The following XIRP1 variants were observed in gnomAD, a reference collection of about 807,000 sequenced individuals.
The protein encoded by XIRP1 is xin actin binding repeat containing 1.
For missense variants in XIRP1, 2,378 were observed against 2,345.4 expected, an observed-to-expected ratio of 1.01 and a Z score of -0.29; for synonymous variants, 984 against 947.0, an observed-to-expected ratio of 1.04 and a Z score of -0.72.
intron 1 of XIRP1, among the ~76,000 whole-genome samples, chr3:39,190,393 G>A (rs1288295698): frequency 1.3e-5 from 2 of 152,084 alleles, no homozygotes; most frequent in Admixed American, 6.5e-5. Flanking sequence ...CAGGTGTAAA[G>A]CTTTCTTATT....
rs769326975 is a variant in XIRP1 at position 39,188,187 on chromosome 3, G to A, written c.1259C>T (p.Ser420Leu). Reference sequence around the variant, plus strand: ...GGCACTCTGAGAGAAGGGCAGTGCTGAGGAGCTGTCACTGGATAGATGCCC... The same window carrying A: ...GGCACTCTGAGAGAAGGGCAGTGCTAAGGAGCTGTCACTGGATAGATGCCC... ...GEGHLSSDSSSALPFSQSAPQ... is the reference protein window; with the variant it reads ...GEGHLSSDSSLALPFSQSAPQ... Residue 420 changes from serine (S) to leucine (L), a missense_variant, in exon 2 of 2, where the codon TCA (serine) becomes TTA (leucine). Physicochemically the swap from Ser to Leu is moderately radical, Grantham distance 145. Coordinates refer to ENST00000340369, the MANE Select transcript of XIRP1 (RefSeq NM_194293.4). 1 of 1,614,188 alleles carries A rather than the reference G, an allele frequency of 6.2e-7. No homozygotes were observed. Among genetic ancestry groups the A allele is most frequent in the Non-Finnish European group, 8.5e-7 (1 of 1,180,044 alleles).
chr3:39,183,737 T>G lies in XIRP1; in HGVS notation c.*177A>C. 2 of 1,110,910 alleles carry G rather than the reference T, an allele frequency of 1.8e-6. No homozygotes were observed. Among genetic ancestry groups the G allele is most frequent in the Non-Finnish European group, 2.5e-6 (2 of 808,880 alleles). 68.8% of individuals were successfully genotyped at this position (1,110,910 alleles called of 1,614,324 possible). On this transcript the variant is annotated 3_prime_UTR_variant, in exon 2 of 2. Coordinates refer to ENST00000340369, the MANE Select transcript of XIRP1 (RefSeq NM_194293.4). ...CCTCTTCCAGACCTTTCTTTTTCCATTTGGAAGAACTGGGCCTATTGAAAG... is the reference window on the plus strand; with the variant it reads ...CCTCTTCCAGACCTTTCTTTTTCCAGTTGGAAGAACTGGGCCTATTGAAAG...
Position 39,183,985 on chromosome 3 carries a change from A to C in XIRP1, c.5461T>G (p.Phe1821Val). 1 of 1,612,572 alleles carries C rather than the reference A, an allele frequency of 6.2e-7. No homozygotes were observed. Among genetic ancestry groups the C allele is most frequent in the Non-Finnish European group, 8.5e-7 (1 of 1,179,922 alleles). Reference sequence around the variant, plus strand: ...TCAGCTTCTGTCAGGTCACTGCTGAACCCAGCTGGGCTGTGCAGGAACTGC... The same window carrying C: ...TCAGCTTCTGTCAGGTCACTGCTGACCCCAGCTGGGCTGTGCAGGAACTGC... ...LRQFLHSPAG[F>V]SSDLTEAETV... The change falls in exon 2 of 2, where the codon TTC becomes GTC. Residue 1821 changes from phenylalanine (F) to valine (V), a missense_variant. Transcript: ENST00000340369.
In XIRP1 at chr3:39,187,189, C is replaced by T. The variant is rs543901842; in HGVS notation, c.2257G>A (p.Glu753Lys). The T allele has an allele frequency of 1.9e-6, 3 of 1,598,830 alleles. No individual in the cohort carries two copies. The highest frequency in any genetic ancestry group is 1.7e-6 in the Non-Finnish European group (2 of 1,168,804). The change falls in exon 2 of 2, where the codon GAG becomes AAG. Residue 753 changes from glutamate (E) to lysine (K), a missense_variant. Physicochemically the swap from Glu to Lys is moderately conservative, Grantham distance 56. Coordinates refer to ENST00000340369, the MANE Select transcript of XIRP1 (RefSeq NM_194293.4). ...TTGCCTGAGGGGCTCATGGGCTGCT[C>T]TTCCAGGAGGTTGCCCCCTTGGATG... ...ESIQGGNLLE[E>K]QPMSPSGNRM...
chr3:39,187,965 T>C lies in XIRP1; in HGVS notation c.1481A>G (p.His494Arg). The C allele has an allele frequency of 6.2e-7, 1 of 1,614,206 alleles. No individual in the cohort carries two copies. Among genetic ancestry groups the C allele is most frequent in the South Asian group, 1.1e-5 (1 of 91,090 alleles). ...CTCTCTGCTAACAGAGGTCAGGGCATGGAGGCGGCCCTTGCTGTCCTGCAT... is the reference window on the plus strand; with the variant it reads ...CTCTCTGCTAACAGAGGTCAGGGCACGGAGGCGGCCCTTGCTGTCCTGCAT... The part of the protein sequence containing the change: ...YAMQDSKGRL[H>R]ALTSVSREQI... The change falls in exon 2 of 2, where the codon CAT becomes CGT. Residue 494 changes from histidine (H) to arginine (R), a missense_variant. By Grantham distance (29) the His-to-Arg change is conservative. Transcript: ENST00000340369.
rs1015891249 is a variant in XIRP1, at chr3:39,183,988, C to T, written c.5458G>A (p.Gly1820Arg). 28 of 1,612,652 alleles carry T rather than the reference C, an allele frequency of 1.7e-5. No homozygotes were observed. The highest frequency in any genetic ancestry group is 2.4e-5 in the Non-Finnish European group (28 of 1,179,956). The change falls in exon 2 of 2, where the codon GGG (glycine) becomes AGG (arginine). Residue 1820 changes from glycine to arginine, a missense_variant. Gly to Arg is a moderately radical substitution (Grantham distance 125). Transcript: ENST00000340369. ...GCTTCTGTCAGGTCACTGCTGAACC[C>T]AGCTGGGCTGTGCAGGAACTGCCTC... The part of the protein sequence containing the change: ...LLRQFLHSPA[G>R]FSSDLTEAET...
In XIRP1 at chr3:39,188,716, G is replaced by T. The variant is rs915822303; in HGVS notation, c.730C>A (p.Gln244Lys). 3.1e-6 allele frequency: 5 copies of T among 1,613,552 alleles called. No individual in the cohort carries two copies. The Admixed American group carries it at 5.0e-5, about 16-fold the overall frequency. Residue 244 changes from glutamine to lysine, a missense_variant, in exon 2 of 2, where the codon CAG becomes AAG. Physicochemically the swap from Gln to Lys is moderately conservative, Grantham distance 53. Transcript: ENST00000340369. ...LFQTEPLCAI[Q>K]DAEGAIHEVK... ...TCATGGATGGCGCCCTCTGCATCCT[G>T]GATGGCACACAGGGGCTCCGTTTGG...
rs377554974 is a variant in XIRP1 at position 39,187,662 on chromosome 3, C to T, written c.1784G>A (p.Arg595Gln). 182 of 1,614,100 alleles carry T rather than the reference C, an allele frequency of 1.1e-4. No homozygotes were observed. The Middle Eastern group carries it at 1.3e-3, about 12-fold the overall frequency. ...CATTGGGCAAGTCTCGAACAACCAC[C>T]GGATGGTCTGCACATCGCCCTTTGG... ...APPKGDVQTI[R>Q]WLFETCPMSE... The change falls in exon 2 of 2, where the codon CGG becomes CAG. Residue 595 changes from arginine (R) to glutamine (Q), a missense_variant. By Grantham distance (43) the Arg-to-Gln change is conservative. Coordinates refer to ENST00000340369, the MANE Select transcript of XIRP1 (RefSeq NM_194293.4).
chr3:39,188,016 TG>T lies in XIRP1; in HGVS notation c.1429del (p.Gln477ArgfsTer3). Reference protein sequence around the residue: ...EEGTDSAGQAQGIGSPVYAMQ... With the variant: ...EEGTDSAGQAXGIGSPVYAMQ... ...GGCATACACTGGGGACCCTATGCCC[TG>T]GGCCTGCCCAGCAGAATCAGTTCCT... is the stretch of plus-strand genomic sequence containing the variant. On this transcript the variant is annotated frameshift_variant, in exon 2 of 2. Coordinates refer to ENST00000340369, the MANE Select transcript of XIRP1 (RefSeq NM_194293.4). LOFTEE classifies it low-confidence loss of function (END_TRUNC). 1 of 1,614,224 alleles carries T rather than the reference TG, an allele frequency of 6.2e-7. No homozygotes were observed. Among genetic ancestry groups the T allele is most frequent in the Non-Finnish European group, 8.5e-7 (1 of 1,180,028 alleles).
intron 1 of XIRP1, among the ~76,000 whole-genome samples, chr3:39,190,567 C>T (rs893671123): frequency 1.3e-4 from 20 of 152,028 alleles, no homozygotes; most frequent in African/African-American, 4.4e-4. Flanking sequence ...TTCAGGGGCT[C>T]GGACTCAGGG....
intron 1 of XIRP1, 135 bp from the exon 2 acceptor site, chr3:39,189,660 T>C (rs2040060543): frequency 3.0e-6 from 2 of 662,268 alleles, no homozygotes; most frequent in Non-Finnish European, 4.9e-6. Flanking sequence ...GGGCAACAGG[T>C]CTTGAACTTA....
Position 39,187,242 on chromosome 3 carries a change from C to A in XIRP1, c.2204G>T (p.Cys735Phe), listed in dbSNP as rs749371719. 1 of 1,583,388 alleles carries A rather than the reference C, an allele frequency of 6.3e-7. No individual in the cohort carries two copies. The highest frequency in any genetic ancestry group is 8.6e-7 in the Non-Finnish European group (1 of 1,162,202). The change falls in exon 2 of 2, where the codon TGT (cysteine) becomes TTT (phenylalanine). Residue 735 changes from cysteine (C) to phenylalanine (F), a missense_variant. Physicochemically the swap from Cys to Phe is radical, Grantham distance 205. Transcript: ENST00000340369. ...VHKFTWLFEN[C>F]PMGSLAAESI... ...CTCAGCTGCCAGGGAGCCCATGGGA[C>A]AATTCTCAAAAAGCCAAGTGAACTT...
Position 39,189,511 on chromosome 3 carries a change from G to A in XIRP1, c.-66C>T, listed in dbSNP as rs1054063368. ...AGCCTTAGATCTAGATGTTCAGCAGGGTAGAGGCTGGATGCTGGGAGAAAT... is the reference window on the plus strand; with the variant it reads ...AGCCTTAGATCTAGATGTTCAGCAGAGTAGAGGCTGGATGCTGGGAGAAAT... On this transcript the variant is annotated 5_prime_UTR_variant, in exon 2 of 2. Coordinates refer to ENST00000340369, the MANE Select transcript of XIRP1 (RefSeq NM_194293.4). The A allele has an allele frequency of 2.0e-6, 3 of 1,520,562 alleles. No individual in the cohort carries two copies. Among genetic ancestry groups the A allele is most frequent in the African/African-American group, 2.8e-5 (2 of 71,828 alleles). 94.2% of individuals were successfully genotyped at this position (1,520,562 alleles called of 1,614,324 possible).
Position 39,183,686 on chromosome 3 carries a change from C to G in XIRP1, c.*228G>C, listed in dbSNP as rs990992299. 3.0e-6 allele frequency: 2 copies of G among 672,286 alleles called. No homozygotes were observed. Among genetic ancestry groups the G allele is most frequent in the African/African-American group, 3.7e-5 (2 of 54,746 alleles). The allele number at this position is 672,286 out of a possible 1,614,324, so 41.6% of individuals were successfully genotyped here. On this transcript the variant is annotated 3_prime_UTR_variant, in exon 2 of 2. Coordinates refer to ENST00000340369, the MANE Select transcript of XIRP1 (RefSeq NM_194293.4). ...CAAGCAGCTGGGAGCCCCCATCCTACCCCCACGCCTGTGCAACTCTGTGGG... is the reference window on the plus strand; with the variant it reads ...CAAGCAGCTGGGAGCCCCCATCCTAGCCCCACGCCTGTGCAACTCTGTGGG...
intron 1 of XIRP1, among the ~76,000 whole-genome samples, chr3:39,189,972 A>G (rs867398253): frequency 1.1e-4 from 16 of 152,194 alleles, no homozygotes; most frequent in Admixed American, 7.2e-4. Flanking sequence ...ATTCCTTTGC[A>G]GAACACCAGA....
rs2040098360 is a variant in XIRP1 at position 39,192,437 on chromosome 3, G to A, written c.-81+9C>T. ...TTGCTGTGGAAGGATGGAGAGGTAG[G>A]TTACTCACCAAGGGTCTCTCTTGGC... On this transcript the variant is annotated intron_variant, in intron 1 of 1. Transcript: ENST00000340369. 2.0e-5 allele frequency: 3 copies of A among 152,336 alleles called. No individual in the cohort carries two copies. Among genetic ancestry groups the A allele is most frequent in the South Asian group, 4.1e-4 (2 of 4,836 alleles). 9.4% of individuals were successfully genotyped at this position (152,336 alleles called of 1,614,324 possible). A position where few individuals can be genotyped will look rare whatever the true frequency, so the allele number is the denominator to read the frequency against.
In XIRP1 at chr3:39,186,588, C is replaced by G. The variant is rs540906316; in HGVS notation, c.2858G>C (p.Ser953Thr). 22 of 1,610,608 alleles carry G rather than the reference C, an allele frequency of 1.4e-5. No individual in the cohort carries two copies. In the South Asian group the frequency reaches 2.3e-4, roughly 17 times the overall value. The change falls in exon 2 of 2, where the codon AGT (serine) becomes ACT (threonine). Residue 953 changes from serine (S) to threonine (T), a missense_variant. Transcript: ENST00000340369. ...GGCCCCCTCGCTGGCTGGCACTGGA[C>G]TCGGGTCAGCCGGGGGCTCCCACCG... ...SLRWEPPADPSPVPASEGAQS... is the reference protein window; with the variant it reads ...SLRWEPPADPTPVPASEGAQS...
Position 39,188,056 on chromosome 3 carries a change from G to A in XIRP1, c.1390C>T (p.Pro464Ser). The change falls in exon 2 of 2, where the codon CCA (proline) becomes TCA (serine). Residue 464 changes from proline (P) to serine (S), a missense_variant. By Grantham distance (74) the Pro-to-Ser change is moderately conservative. Coordinates refer to ENST00000340369, the MANE Select transcript of XIRP1 (RefSeq NM_194293.4). ...GQGEVLAHGS[P>S]SREEGTDSAG... ...GAATCAGTTCCTTCTTCTCTGCTTGGACTCCCATGGGCCAGAACCTCACCC... is the reference window on the plus strand; with the variant it reads ...GAATCAGTTCCTTCTTCTCTGCTTGAACTCCCATGGGCCAGAACCTCACCC... 1.2e-6 allele frequency: 2 copies of A among 1,614,188 alleles called. No homozygotes were observed. The highest frequency in any genetic ancestry group is 1.7e-6 in the Non-Finnish European group (2 of 1,180,028).
At position 39,186,837 on chromosome 3, in the gene XIRP1, T is replaced by C. The variant is rs1321955294; in HGVS notation, c.2609A>G (p.Asn870Ser). ...GAGCTCAGGGTCCATGTCTTCAATATTCCCACTGCTGCCTGGAGTTGGCAG... is the reference window on the plus strand; with the variant it reads ...GAGCTCAGGGTCCATGTCTTCAATACTCCCACTGCTGCCTGGAGTTGGCAG... ...LRLPTPGSSG[N>S]IEDMDPELQQ... is the part of the protein sequence containing the mutation. The change falls in exon 2 of 2, where the codon AAT becomes AGT. Residue 870 changes from asparagine (N) to serine (S), a missense_variant. By Grantham distance (46) the Asn-to-Ser change is conservative. Transcript: ENST00000340369. 1.2e-6 allele frequency: 2 copies of C among 1,613,696 alleles called. No homozygotes were observed. Among genetic ancestry groups the C allele is most frequent in the Non-Finnish European group, 1.7e-6 (2 of 1,179,674 alleles).
Sources: gnomAD v4.1 joint callset for allele counts (sites outside exome capture counted in the v4.1 genomes callset) on GRCh38, gnomAD v4.1.1 for gene constraint, MANE v1.5 for transcripts, NCBI Gene and HGNC (gene_info 2026-07-23, HGNC 2026-07-21) for gene names.